Variants in PAH observed in about 807,000 individuals in gnomAD.
PAH encodes the protein phenylalanine-4-hydroxylase.
A neutral mutation model predicts 62.0 loss-of-function variants in PAH; 64 were observed. The ratio of observed to expected loss-of-function variants is 1.03; its 90% confidence interval spans 0.84 to 1.27. The LOEUF (loss-of-function observed/expected upper bound fraction) is 1.27. Ranked by LOEUF, PAH falls within the 50% of genes most tolerant of loss-of-function variation. The probability of loss-of-function intolerance (pLI) is 0.00; values close to 1 mark genes in which losing one functional copy is unlikely to be tolerated. For missense variants in PAH, 579 were observed against 542.8 expected, an observed-to-expected ratio of 1.07 and a Z score of -0.66; for synonymous variants, 195 against 196.2, an observed-to-expected ratio of 0.99 and a Z score of 0.05.
At chr12:102,900,019 A>G (rs1877686914) in intron 2 of PAH, among the ~76,000 whole-genome samples, 1 of 149,576 alleles carries the variant, frequency 6.7e-6, no homozygotes, top group Non-Finnish European at 1.5e-5. Context: ...TTTTAAAATC[A>G]TAGTTCAAGT....
intron 5 of PAH, among the ~76,000 whole-genome samples, chr12:102,856,642 A>G (rs1278097450): frequency 6.6e-6 from 1 of 152,210 alleles, no homozygotes; most frequent in Non-Finnish European, 1.5e-5. Context: ...AAGCTTCCAG[A>G]GGAATGATCA....
intron 2 of PAH, among the ~76,000 whole-genome samples, chr12:102,899,858 CAAAAAAAAAAAAAAA>C (rs1166069532): frequency 3.1e-4 from 3 of 9,532 alleles, no homozygotes; most frequent in Non-Finnish European, 4.0e-4. Context: ...GACTCCGTCT[CAAAAAAAAAAAAAAA>C]AAAAAAAAAA....
intron 3 of PAH, among the ~76,000 whole-genome samples, chr12:102,879,896 A>C (rs1364243659): frequency 6.6e-6 from 1 of 152,202 alleles, no homozygotes; most frequent in East Asian, 1.9e-4. Context: ...CCCTATGGAC[A>C]GCAAGAACAG....
intron 5 of PAH, among the ~76,000 whole-genome samples, chr12:102,866,286 C>T (rs1004471357): frequency 2.0e-5 from 3 of 152,126 alleles, no homozygotes; most frequent in Non-Finnish European, 4.4e-5. Context: ...TTATTCAGGA[C>T]CGAGGCCTTT....
chr12:102,941,604 C>T (rs1229244332), intron 1 of PAH, among the ~76,000 whole-genome samples: 1 of 152,108 alleles, frequency 6.6e-6, no homozygotes, highest in Non-Finnish European at 1.5e-5. Flanking sequence ...AACCAGAAGG[C>T]TTAACTATCC....
chr12:102,876,654 C>T (rs1352998208), intron 4 of PAH, among the ~76,000 whole-genome samples: 2 of 152,326 alleles, frequency 1.3e-5, no homozygotes, highest in Admixed American at 1.3e-4. Flanking sequence ...GGGCAGGCAA[C>T]AGGACGGTGG....
At chr12:102,889,514 T>C (rs1177297068) in intron 3 of PAH, among the ~76,000 whole-genome samples, 1 of 149,828 alleles carries the variant, frequency 6.7e-6, no homozygotes, top group South Asian at 2.1e-4. Context: ...GTGTAGATGA[T>C]AGATGATGGA....
intron 2 of PAH, 75 bp from the exon 3 acceptor site, chr12:102,894,993 G>A: frequency 9.2e-7 from 1 of 1,087,106 alleles, no homozygotes; most frequent in Non-Finnish European, 1.4e-6. Flanking sequence ...AACCAGAACA[G>A]GAAAACCTAA....
intron 8 of PAH, among the ~76,000 whole-genome samples, chr12:102,849,410 T>C (rs904068883): frequency 4.6e-5 from 7 of 152,094 alleles, no homozygotes; most frequent in African/African-American, 1.2e-4. Context: ...AAGTCTGAAT[T>C]TGGGGATTGA....
rs1483446024 is a variant in PAH at position 102,957,595 on chromosome 12, G to C, written c.-96+600C>G. On this transcript the variant is annotated intron_variant, in intron 1 of 4. Transcript: ENST00000551337. The surrounding 1 kb of genome is among the most constrained non-coding windows in gnomAD (Gnocchi z 4.1). ...TGCAGCCGCTCGCTGCAGCAGCGGGGAGTGGGGGGCGAGGCGGGGCCAGGG... is the reference window on the plus strand; with the variant it reads ...TGCAGCCGCTCGCTGCAGCAGCGGGCAGTGGGGGGCGAGGCGGGGCCAGGG... The C allele has an allele frequency of 6.7e-6, 1 of 148,672 alleles. No individual in the cohort carries two copies. Among genetic ancestry groups the C allele is most frequent in the Admixed American group, 6.7e-5 (1 of 15,028 alleles). 9.2% of individuals were successfully genotyped at this position (148,672 alleles called of 1,614,324 possible).
chr12:102,894,801 T>C lies in PAH; in HGVS notation c.286A>G (p.Lys96Glu). 6.2e-7 allele frequency: 1 copy of C among 1,613,980 alleles called. No homozygotes were observed. The highest frequency in any genetic ancestry group is 1.3e-5 in the African/African-American group (1 of 75,028). ...GCACCAATGTCATGCCTCAAGATCT[T>C]GATGATGTTTGTCAGAGCAGGCAGG... ...RSLPALTNIIKILRHDIGATV... is the reference protein window; with the variant it reads ...RSLPALTNIIEILRHDIGATV... Residue 96 changes from lysine to glutamate, a missense_variant, in exon 3 of 13, where the codon AAG becomes GAG. Transcript: ENST00000553106.
At chr12:102,862,393 A>T (rs1718307) in intron 5 of PAH, among the ~76,000 whole-genome samples, 97,784 of 151,824 alleles carry the variant, frequency 0.64, 32,911 homozygotes, top group African/African-American at 0.79. Context: ...ACTGAGTCTA[A>T]TGAAGGGTGG....
Position 102,840,516 on chromosome 12 carries a change from C to T in PAH, c.1200-1G>A, listed in dbSNP as rs62507322. 5.6e-6 allele frequency: 9 copies of T among 1,608,194 alleles called. No individual in the cohort carries two copies. The highest frequency in any genetic ancestry group is 7.7e-6 in the Non-Finnish European group (9 of 1,174,838). ...CCGAGGTATTGTGGCAGCAAAGTTC[C>T]TAAGACCAAAACCACAGGCTTGAGT... On this transcript the variant is annotated splice_acceptor_variant, in intron 11 of 12. Coordinates refer to ENST00000553106, the MANE Select transcript of PAH (RefSeq NM_000277.3). LOFTEE classifies it high-confidence loss of function.
chr12:102,850,713 G>T (rs553409961), intron 8 of PAH, among the ~76,000 whole-genome samples: 7 of 152,280 alleles, frequency 4.6e-5, no homozygotes, highest in African/African-American at 1.7e-4. Context: ...ACCTTCTCAT[G>T]ATCCCAGCTA....
intron 8 of PAH, among the ~76,000 whole-genome samples, chr12:102,847,933 C>G (rs544532183): frequency 3.3e-5 from 5 of 152,252 alleles, no homozygotes; most frequent in Admixed American, 1.3e-4. Flanking sequence ...AGGGAGGAAC[C>G]AATGTGGCTG....
chr12:102,845,579 G>T (rs575617105), intron 9 of PAH, among the ~76,000 whole-genome samples: 3 of 152,246 alleles, frequency 2.0e-5, no homozygotes, highest in East Asian at 3.9e-4. Flanking sequence ...AAAGAATATT[G>T]GGGTTCTGGG....
chr12:102,848,691 C>T (rs376786300), intron 8 of PAH, among the ~76,000 whole-genome samples: 9 of 150,446 alleles, frequency 6.0e-5, no homozygotes, highest in African/African-American at 1.5e-4. Flanking sequence ...GTAGACAGGA[C>T]ACCAGGACAC....
intron 8 of PAH, among the ~76,000 whole-genome samples, chr12:102,849,668 G>A (rs932800469): frequency 1.3e-5 from 2 of 152,134 alleles, no homozygotes; most frequent in Non-Finnish European, 2.9e-5. Flanking sequence ...CAAATTCTTA[G>A]CCTGGATCTG....
intron 8 of PAH, among the ~76,000 whole-genome samples, chr12:102,850,644 C>T (rs1233999942): frequency 6.6e-6 from 1 of 152,146 alleles, no homozygotes; most frequent in African/African-American, 2.4e-5. Context: ...AATGTAACCC[C>T]AGGTCACACA....
Sources: gnomAD v4.1 joint callset for allele counts (sites outside exome capture counted in the v4.1 genomes callset) on GRCh38, gnomAD v4.1.1 for gene constraint, Gnocchi (gnomAD v3.1) non-coding constraint, MANE v1.5 for transcripts, NCBI Gene and HGNC (gene_info 2026-07-23, HGNC 2026-07-21) for gene names.